SEC24B: variants seen among roughly 807,000 people sequenced by gnomAD.
SEC24B encodes protein transport protein Sec24B.
Under a neutral mutation model 142.8 loss-of-function variants are expected in SEC24B, and 45 were observed. The ratio of observed to expected loss-of-function variants is 0.32; its 90% CI spans 0.25 to 0.40. The LOEUF is 0.40. Ranked by LOEUF, SEC24B falls within the 10% of genes least tolerant of loss-of-function variation. The pLI is 1.00. For synonymous variants in SEC24B, 574 were observed against 568.2 expected (o/e 1.01, Z -0.15); for missense variants, 1,409 against 1,526.8 (o/e 0.92, Z 1.29).
At chr4:109,449,440 C>G in intron 1 of SEC24B, 1 of 439,194 alleles carries the variant, frequency 2.3e-6, no homozygotes, top group South Asian at 1.6e-5. Context: ...CCATGTTGCC[C>G]AAGCTAGTCT....
intron 11 of SEC24B, among the ~76,000 whole-genome samples, chr4:109,518,329 C>T (rs1023446492): frequency 6.6e-5 from 10 of 152,166 alleles, no homozygotes; most frequent in African/African-American, 2.2e-4. Flanking sequence ...TGCACATTTC[C>T]GTTTCACTCC....
chr4:109,514,521 A>G (rs1338716935), intron 10 of SEC24B, among the ~76,000 whole-genome samples: 1 of 152,162 alleles, frequency 6.6e-6, no homozygotes, highest in Non-Finnish European at 1.5e-5. Flanking sequence ...CAACATGGTG[A>G]AACCCTGTCT....
At chr4:109,529,066 G>A (rs1724595890) in intron 18 of SEC24B, among the ~76,000 whole-genome samples, 1 of 151,956 alleles carries the variant, frequency 6.6e-6, no homozygotes, top group African/African-American at 2.4e-5. Context: ...AGGAGGCTGA[G>A]GCAGGAGAAT....
intron 17 of SEC24B, 30 bp downstream of exon 17, chr4:109,526,429 G>A: frequency 2.6e-6 from 4 of 1,541,054 alleles, no homozygotes; most frequent in Non-Finnish European, 3.5e-6. Context: ...AATATAGTCT[G>A]CAGCAGTAAT....
rs1203982319 is a variant in SEC24B, at chr4:109,511,378, A to AG, written c.1777-578dup. On this transcript the variant is annotated intron_variant, in intron 8 of 23. Transcript: ENST00000265175. ...AAGATCAAAATGTTCATGTGCAGATAGAAAAAAACAGAATGATATACTAAA... is the reference window on the plus strand; with the variant it reads ...AAGATCAAAATGTTCATGTGCAGATAGGAAAAAAACAGAATGATATACTAAA... Among the ~76,000 whole-genome samples, 4 of 152,342 alleles carry AG rather than the reference A, an allele frequency of 2.6e-5. 1 individual carries two copies. The South Asian group carries it at 6.2e-4, about 24-fold the overall frequency.
At chr4:109,467,126 A>G (rs1055419000) in intron 2 of SEC24B, among the ~76,000 whole-genome samples, 3 of 151,756 alleles carry the variant, frequency 2.0e-5, no homozygotes, top group Non-Finnish European at 4.4e-5. Flanking sequence ...GGAGATCGAG[A>G]CCATCCTGGC....
intron 2 of SEC24B, among the ~76,000 whole-genome samples, chr4:109,464,676 C>G (rs1264772502): frequency 6.6e-6 from 1 of 152,044 alleles, no homozygotes; most frequent in Non-Finnish European, 1.5e-5. Flanking sequence ...TGGAATGATG[C>G]CTTTAGATTG....
chr4:109,450,051 CAA>C (rs150555755), intron 1 of SEC24B, among the ~76,000 whole-genome samples: 2,546 of 152,034 alleles, frequency 0.017, 56 homozygotes, highest in African/African-American at 0.058. Context: ...TTTCTACAAA[CAA>C]AGTAAAATTA....
At position 109,529,490 on chromosome 4, in the gene SEC24B, C is replaced by T. The variant is rs540485923; in HGVS notation, c.3077-799C>T. Among the ~76,000 whole-genome samples, 36 of 152,140 alleles carry T rather than the reference C, an allele frequency of 2.4e-4. 1 individual carries two copies. The highest frequency in any genetic ancestry group is 4.6e-4 in the Non-Finnish European group (31 of 68,004). On this transcript the variant is annotated intron_variant, in intron 18 of 23. Coordinates refer to ENST00000265175, the MANE Select transcript of SEC24B (RefSeq NM_006323.5). ...TATTATTGTAGAAAAATAAGTTTCACGTTACCTGTGTCTTAATGGCTGCAT... is the reference window on the plus strand; with the variant it reads ...TATTATTGTAGAAAAATAAGTTTCATGTTACCTGTGTCTTAATGGCTGCAT...
chr4:109,494,624 C>T lies in SEC24B; in HGVS notation c.1256C>T (p.Ser419Phe). 3 of 1,613,934 alleles carry T rather than the reference C, an allele frequency of 1.9e-6. No homozygotes were observed. The highest frequency in any genetic ancestry group is 2.5e-6 in the Non-Finnish European group (3 of 1,179,998). Residue 419 changes from serine to phenylalanine, a missense_variant, in exon 6 of 24, where the codon TCT (serine) becomes TTT (phenylalanine). Around this residue, in one of 2 missense-constraint regions of SEC24B, gnomAD observed 709 missense variants for 673.5 expected, o/e 1.05. Coordinates refer to ENST00000265175, the MANE Select transcript of SEC24B (RefSeq NM_006323.5). ...LEGGSYPDMLSSSASSPAPDP... is the reference protein window; with the variant it reads ...LEGGSYPDMLFSSASSPAPDP... ...TGTTTCCATTTTTTAGATATGCTTT[C>T]TTCATCAGCAAGCAGTCCTGCTCCT...
intron 4 of SEC24B, among the ~76,000 whole-genome samples, chr4:109,482,245 G>T (rs949418688): frequency 6.6e-6 from 1 of 152,174 alleles, no homozygotes; most frequent in Admixed American, 6.5e-5. Flanking sequence ...GGCTTTTCTT[G>T]TCATGTATTT....
chr4:109,475,805 C>T (rs1331281783), intron 3 of SEC24B, among the ~76,000 whole-genome samples: 3 of 151,964 alleles, frequency 2.0e-5, no homozygotes, highest in Non-Finnish European at 4.4e-5. Context: ...ATCCCCTTTC[C>T]TTAATGTAAT....
At chr4:109,485,903 G>A (rs778395647) in intron 4 of SEC24B, among the ~76,000 whole-genome samples, 47 of 152,112 alleles carry the variant, frequency 3.1e-4, no homozygotes, top group Non-Finnish European at 5.4e-4. Flanking sequence ...AAAATTTACT[G>A]AACAGTGATG....
At chr4:109,508,744 G>A (rs1736992439) in intron 7 of SEC24B, among the ~76,000 whole-genome samples, 1 of 152,150 alleles carries the variant, frequency 6.6e-6, no homozygotes, top group Non-Finnish European at 1.5e-5. Context: ...CTAAGTAGCT[G>A]TGAAACTGTG....
At chr4:109,452,923 A>G (rs1730257760) in intron 1 of SEC24B, among the ~76,000 whole-genome samples, 1 of 152,210 alleles carries the variant, frequency 6.6e-6, no homozygotes, top group South Asian at 2.1e-4. Flanking sequence ...CCCGCCTCCA[A>G]TAATTCAACG....
intron 3 of SEC24B, among the ~76,000 whole-genome samples, chr4:109,474,702 G>A (rs1369857268): frequency 6.6e-6 from 1 of 152,168 alleles, no homozygotes; most frequent in African/African-American, 2.4e-5. Flanking sequence ...TGGGATTACA[G>A]GCGTGAGCCA....
intron 6 of SEC24B, among the ~76,000 whole-genome samples, chr4:109,503,217 G>A (rs1440803357): frequency 6.8e-6 from 1 of 146,880 alleles, no homozygotes; most frequent in Non-Finnish European, 1.5e-5. Context: ...GTGCCACTAC[G>A]CCTGGCTAAT....
chr4:109,463,443 T>C lies in SEC24B; in HGVS notation c.676T>C (p.Ser226Pro). ...APTVRPVKDN[S>P]FSGQNTAISH... Reference sequence around the variant, plus strand: ...GACTGTTAGGCCAGTTAAAGATAATTCATTCTCTGGTCAAAATACAGCTAT... The same window carrying C: ...GACTGTTAGGCCAGTTAAAGATAATCCATTCTCTGGTCAAAATACAGCTAT... The change falls in exon 2 of 24, where the codon TCA (serine) becomes CCA (proline). Residue 226 changes from serine (S) to proline (P), a missense_variant. This residue lies in a region of SEC24B where 709 missense variants were observed against 673.5 expected (regional missense o/e 1.05). Coordinates refer to ENST00000265175, the MANE Select transcript of SEC24B (RefSeq NM_006323.5). 6.2e-7 allele frequency: 1 copy of C among 1,614,140 alleles called. No homozygotes were observed. The highest frequency in any genetic ancestry group is 8.5e-7 in the Non-Finnish European group (1 of 1,180,032).
chr4:109,528,380 G>A (rs535536492), intron 18 of SEC24B, among the ~76,000 whole-genome samples: 8 of 150,474 alleles, frequency 5.3e-5, no homozygotes, highest in South Asian at 2.1e-4. Context: ...GAGCCGAGCC[G>A]AGGTCTCGCC....
Sources: gnomAD v4.1 joint callset for allele counts (sites outside exome capture counted in the v4.1 genomes callset) on GRCh38, gnomAD v4.1.1 for gene constraint, gnomAD v4.1.1 regional missense constraint, MANE v1.5 for transcripts, NCBI Gene and HGNC (gene_info 2026-07-23, HGNC 2026-07-21) for gene names.